Variants in PNP observed in about 807,000 individuals in gnomAD.
The protein encoded by PNP is purine nucleoside phosphorylase.
Under a neutral mutation model 26.8 loss-of-function variants are expected in PNP, and 18 were observed. The observed-to-expected ratio is 0.67, with a 90% CI of 0.46 to 1.00. The LOEUF is 1.00. Among genes scored for constraint, PNP ranks in the 50% least tolerant of loss-of-function variants. The pLI, the probability that PNP is intolerant of heterozygous loss-of-function variation, is 0.00. For synonymous variants in PNP, 116 were observed against 124.8 expected, an observed-to-expected ratio of 0.93 and a Z score of 0.47; for missense variants, 320 against 362.9, an observed-to-expected ratio of 0.88 and a Z score of 0.96.
chr14:20,476,755 C>T lies in PNP; in HGVS notation c.*154C>T, dbSNP rs940627229. 16 of 699,058 alleles carry T rather than the reference C, an allele frequency of 2.3e-5. No homozygotes were observed. In the African/African-American group the frequency reaches 2.5e-4, roughly 11 times the overall value. 43.3% of individuals were successfully genotyped at this position (699,058 alleles called of 1,614,324 possible). On this transcript the variant is annotated 3_prime_UTR_variant, in exon 6 of 6. Transcript: ENST00000361505. ...CCTTTCCCACTTTCTTCTACCAGAC[C>T]CTTCTGGTGCCAGATCCTCTTCTCA...
rs186060210 is a variant in PNP at position 20,477,084 on chromosome 14, A to C, written c.*483A>C. The C allele has an allele frequency of 1.3e-3, 251 of 198,614 alleles. 1 individual carries two copies. The highest frequency in any genetic ancestry group is 8.9e-3 in the Middle Eastern group (4 of 448). The allele number at this position is 198,614 out of a possible 1,614,324, so 12.3% of individuals were successfully genotyped here. ...TGTTGTCAGAATAAAGAGAAAGATG[A>C]AATAATTTCATTTTTTTGTGTAACT... On this transcript the variant is annotated 3_prime_UTR_variant, in exon 6 of 6. Transcript: ENST00000361505.
chr14:20,472,321 G>T lies in PNP; in HGVS notation c.25G>T (p.Asp9Tyr), dbSNP rs752428463. ...TTTCTCCCCCAGATACACCTATGAA[G>T]ATTATAAGAACACTGCAGAATGGCT... MENGYTYE[D>Y]YKNTAEWLLS... Residue 9 changes from aspartate to tyrosine, a missense_variant, in exon 2 of 6, where the codon GAT becomes TAT. Coordinates refer to ENST00000361505, the MANE Select transcript of PNP (RefSeq NM_000270.4). 1 of 1,613,844 alleles carries T rather than the reference G, an allele frequency of 6.2e-7. No homozygotes were observed. The highest frequency in any genetic ancestry group is 8.5e-7 in the Non-Finnish European group (1 of 1,179,714).
At chr14:20,475,367 A>G (rs1882081079) in intron 5 of PNP, 115 bp downstream of exon 5, 1 of 887,892 alleles carries the variant, frequency 1.1e-6, no homozygotes, top group African/African-American at 1.7e-5. Context: ...ATTTCAGGGA[A>G]GGGTGAATTA....
At chr14:20,472,211 C>A in intron 1 of PNP, 97 bp from the exon 2 acceptor site, 1 of 1,004,000 alleles carries the variant, frequency 1.0e-6, no homozygotes, top group Non-Finnish European at 1.6e-6. Context: ...TCCCTGCTGC[C>A]TCAGTATACC....
chr14:20,471,430 G>C (rs12147688), intron 1 of PNP, among the ~76,000 whole-genome samples: 1 of 150,980 alleles, frequency 6.6e-6, no homozygotes, highest in Non-Finnish European at 1.5e-5. Context: ...GTGTGTGTGT[G>C]TTTTTTATAG....
chr14:20,469,535 G>A lies in PNP; in HGVS notation c.11G>A (p.Gly4Glu), dbSNP rs1218394198. The A allele has an allele frequency of 1.3e-6, 2 of 1,554,442 alleles. No individual in the cohort carries two copies. The highest frequency in any genetic ancestry group is 2.0e-5 in the Admixed American group (1 of 51,218). ...GGCGTCTGCGAGACCATGGAGAACGGGTGAGGAGGGCACCAGGCCCGCAGG... is the reference window on the plus strand; with the variant it reads ...GGCGTCTGCGAGACCATGGAGAACGAGTGAGGAGGGCACCAGGCCCGCAGG... MEN[G>E]YTYEDYKNTA... The change falls in exon 1 of 6, where the codon GGA (glycine) becomes GAA (glutamate). Residue 4 changes from glycine (G) to glutamate (E), a missense_variant and splice_region_variant. Transcript: ENST00000361505.
At chr14:20,474,652 A>G (rs747439632) in intron 3 of PNP, 77 bp downstream of exon 3, 4 of 1,514,936 alleles carry the variant, frequency 2.6e-6, no homozygotes, top group South Asian at 1.1e-5. Flanking sequence ...CTACCTAGCT[A>G]TCTGGGCTAG....
At chr14:20,472,515 T>C (rs1282477616) in intron 2 of PNP, 38 bp downstream of exon 2, 6 of 1,592,766 alleles carry the variant, frequency 3.8e-6, no homozygotes, top group Non-Finnish European at 5.2e-6. Context: ...GACTGAGGGA[T>C]GTTCTTGGAA....
intron 2 of PNP, 32 bp from the exon 3 acceptor site, chr14:20,474,440 C>T: frequency 6.4e-7 from 1 of 1,553,130 alleles, no homozygotes; most frequent in South Asian, 1.1e-5. Flanking sequence ...AAAATATAAT[C>T]CCATTCATTT....
intron 1 of PNP, chr14:20,469,905 C>G (rs546121818): frequency 2.6e-5 from 11 of 421,418 alleles, no homozygotes; most frequent in Non-Finnish European, 3.5e-5. Context: ...CTCCTCACCC[C>G]CTGCGCTCTT....
rs373715797 is a variant in PNP at position 20,474,590 on chromosome 14, T to C, written c.285+15T>C. ...CACTCTGGAAGGTAAGTCAGAGGGA[T>C]AGGTCCGGTTGGATCTGGAAGAGGC... On this transcript the variant is annotated intron_variant, in intron 3 of 5. Transcript: ENST00000361505. 6.2e-6 allele frequency: 10 copies of C among 1,605,190 alleles called. No individual in the cohort carries two copies. In the African/African-American group the frequency reaches 1.3e-4, roughly 21 times the overall value.
chr14:20,469,460 C>A lies in PNP; in HGVS notation c.-65C>A. 6.5e-7 allele frequency: 1 copy of A among 1,547,364 alleles called. No homozygotes were observed. On this transcript the variant is annotated 5_prime_UTR_variant, in exon 1 of 6. Transcript: ENST00000361505. ...CTCAGTTCAGCATAGCGGAGCGGAT[C>A]CGATCGGATCGGAGCGGATCGGAGC... is the stretch of plus-strand genomic sequence containing the variant.
rs539708769 is a variant in PNP at position 20,471,249 on chromosome 14, A to G, written c.12-1059A>G. On this transcript the variant is annotated intron_variant, in intron 1 of 5. Coordinates refer to ENST00000361505, the MANE Select transcript of PNP (RefSeq NM_000270.4). ...TATTTTTAGTAGAGACGGGGTTTCA[A>G]CATGTTAGCCAGGATGGTCTCGATC... Among the ~76,000 whole-genome samples, 312 of 140,882 alleles carry G rather than the reference A, an allele frequency of 2.2e-3. 2 individuals are homozygous for G. Among genetic ancestry groups the G allele is most frequent in the African/African-American group, 7.9e-3 (295 of 37,254 alleles). The allele number at this position is 140,882 out of a possible 152,430, so 92.4% of individuals were successfully genotyped here.
chr14:20,472,540 A>T, intron 2 of PNP, 63 bp downstream of exon 2: 1 of 1,478,354 alleles, frequency 6.8e-7, no homozygotes, highest in Non-Finnish European at 9.4e-7. Context: ...GTGGAACACA[A>T]CCAAGGAGGC....
chr14:20,472,352 C>A lies in PNP; in HGVS notation c.56C>A (p.Ser19Tyr). 1 of 1,613,858 alleles carries A rather than the reference C, an allele frequency of 6.2e-7. No individual in the cohort carries two copies. The highest frequency in any genetic ancestry group is 8.5e-7 in the Non-Finnish European group (1 of 1,179,704). ...DYKNTAEWLL[S>Y]HTKHRPQVAI... ...AAGAACACTGCAGAATGGCTTCTGT[C>A]TCACACTAAGCACCGACCTCAAGTT... The change falls in exon 2 of 6, where the codon TCT becomes TAT. Residue 19 changes from serine to tyrosine, a missense_variant. By Grantham distance (144) the Ser-to-Tyr change is moderately radical. Transcript: ENST00000361505.
At chr14:20,472,200 G>A (rs117920631) in intron 1 of PNP, 108 bp from the exon 2 acceptor site, 629 of 900,704 alleles carry the variant, frequency 7.0e-4, no homozygotes, top group Non-Finnish European at 1.1e-3. Flanking sequence ...CAGCTTCTCC[G>A]TCCCTGCTGC....
In PNP at chr14:20,476,855, C is replaced by T. The variant is rs7785; in HGVS notation, c.*254C>T. On this transcript the variant is annotated 3_prime_UTR_variant, in exon 6 of 6. Transcript: ENST00000361505. ...AAAGCTGTTCTCATTCCTGTTCTTT[C>T]TTACACAAGAGCTGGAGCCCGTGCC... 26,795 of 498,602 alleles carry T rather than the reference C, an allele frequency of 0.054. 819 individuals are homozygous for T. The highest frequency in any genetic ancestry group is 0.062 in the Non-Finnish European group (17,051 of 273,084). 30.9% of individuals were successfully genotyped at this position (498,602 alleles called of 1,614,324 possible).
At chr14:20,472,995 GTAGTGACGC>G (rs753827403) in intron 2 of PNP, 9 of 168,118 alleles carry the variant, frequency 5.4e-5, no homozygotes, top group Non-Finnish European at 1.0e-4. Flanking sequence ...AAGGGAGATA[GTAGTGACGC>G]TGGCTCCACT....
At chr14:20,471,448 C>T (rs1282979056) in intron 1 of PNP, among the ~76,000 whole-genome samples, 1 of 151,652 alleles carries the variant, frequency 6.6e-6, no homozygotes, top group African/African-American at 2.4e-5. Context: ...TAGGGTCTCA[C>T]TCTGTCACCA....
Sources: allele counts gnomAD v4.1 joint callset (sites outside exome capture counted in the v4.1 genomes callset), GRCh38; gene constraint gnomAD v4.1.1; transcripts MANE v1.5; gene names NCBI Gene and HGNC (gene_info 2026-07-23, HGNC 2026-07-21).